Variants in KIAA0825 observed in about 807,000 individuals in gnomAD.
KIAA0825 encodes uncharacterized protein KIAA0825.
A neutral mutation model predicts 147.6 loss-of-function variants in KIAA0825; 119 were observed. The observed-to-expected ratio is 0.81, with a 90% CI of 0.69 to 0.94. KIAA0825 has a LOEUF of 0.94. Ranked by LOEUF, KIAA0825 falls within the 40% of genes least tolerant of loss-of-function variation. The pLI, the probability that KIAA0825 is intolerant of heterozygous loss-of-function variation, is 0.00. For missense variants in KIAA0825, 1,381 were observed against 1,472.7 expected (o/e 0.94, Z 1.02); for synonymous variants, 470 against 518.1 (o/e 0.91, Z 1.26).
chr5:94,559,828 A>G (rs1003431848), intron 2 of KIAA0825, among the ~76,000 whole-genome samples: 2 of 152,178 alleles, frequency 1.3e-5, no homozygotes, highest in Non-Finnish European at 2.9e-5. Flanking sequence ...CATGATGGGG[A>G]TCAAAATATT....
intron 1 of KIAA0825, among the ~76,000 whole-genome samples, chr5:94,603,128 C>T (rs1262925512): frequency 1.3e-5 from 2 of 151,672 alleles, no homozygotes; most frequent in African/African-American, 4.8e-5. Flanking sequence ...CATCTGGCCT[C>T]GGGTATGTCC....
chr5:94,519,798 G>C (rs1735100333), intron 5 of KIAA0825: 5 of 808,900 alleles, frequency 6.2e-6, no homozygotes, highest in Non-Finnish European at 7.5e-6. Flanking sequence ...AGATACAATG[G>C]ATTAAAAATC....
At chr5:94,189,979 T>C (rs966763926) in intron 20 of KIAA0825, among the ~76,000 whole-genome samples, 5 of 152,202 alleles carry the variant, frequency 3.3e-5, no homozygotes, top group African/African-American at 1.2e-4. Context: ...TGCAATGTTA[T>C]ATAGACTTAA....
At chr5:94,321,262 A>T (rs1780170477) in intron 20 of KIAA0825, among the ~76,000 whole-genome samples, 1 of 151,988 alleles carries the variant, frequency 6.6e-6, no homozygotes, top group Non-Finnish European at 1.5e-5. Context: ...AGAGCTACAA[A>T]ATTGAGTATT....
intron 14 of KIAA0825, among the ~76,000 whole-genome samples, chr5:94,419,740 A>G (rs1209197038): frequency 6.6e-6 from 1 of 152,086 alleles, no homozygotes; most frequent in Non-Finnish European, 1.5e-5. Flanking sequence ...GTTGGCGGGG[A>G]GAAGATGACA....
At chr5:94,564,214 GTTTT>G (rs545943328) in intron 2 of KIAA0825, among the ~76,000 whole-genome samples, 2 of 105,202 alleles carry the variant, frequency 1.9e-5, no homozygotes, top group Non-Finnish European at 1.9e-5. Flanking sequence ...TATTCCCCTT[GTTTT>G]TTTTTTTTTT....
chr5:94,163,512 T>C (rs1240910609), intron 20 of KIAA0825, among the ~76,000 whole-genome samples: 1 of 152,128 alleles, frequency 6.6e-6, no homozygotes, highest in African/African-American at 2.4e-5. Context: ...CTCAAAGGCA[T>C]AGAGTAGAAC....
intron 9 of KIAA0825, among the ~76,000 whole-genome samples, chr5:94,470,800 T>G (rs1761122797): frequency 6.6e-6 from 1 of 152,212 alleles, no homozygotes; most frequent in Non-Finnish European, 1.5e-5. Context: ...GAATATAGAA[T>G]AGATTCTCGG....
intron 12 of KIAA0825, among the ~76,000 whole-genome samples, chr5:94,454,837 C>T (rs1758883349): frequency 6.6e-6 from 1 of 151,946 alleles, no homozygotes; most frequent in South Asian, 2.1e-4. Flanking sequence ...GACACTGAAC[C>T]AAGGTAAGAG....
At chr5:94,497,708 G>A (rs1389847973) in intron 5 of KIAA0825, among the ~76,000 whole-genome samples, 1 of 152,142 alleles carries the variant, frequency 6.6e-6, no homozygotes, top group Non-Finnish European at 1.5e-5. Flanking sequence ...ACACTATGTT[G>A]GTATCAAACT....
intron 20 of KIAA0825, among the ~76,000 whole-genome samples, chr5:94,250,681 T>C (rs1286759177): frequency 1.3e-5 from 2 of 152,110 alleles, no homozygotes; most frequent in African/African-American, 4.8e-5. Flanking sequence ...TTGACTTTGC[T>C]TTTCATGGCT....
chr5:94,529,833 TA>T (rs1455157113), intron 3 of KIAA0825, among the ~76,000 whole-genome samples: 4 of 152,204 alleles, frequency 2.6e-5, no homozygotes, highest in Non-Finnish European at 5.9e-5. Flanking sequence ...ATGCAATAAA[TA>T]CCTAAGAATC....
chr5:94,410,459 T>G (rs1752618321), intron 15 of KIAA0825, among the ~76,000 whole-genome samples: 1 of 151,976 alleles, frequency 6.6e-6, no homozygotes, highest in Admixed American at 6.6e-5. Flanking sequence ...TCAAATTTGA[T>G]GAAAATTAAA....
chr5:94,160,912 C>G (rs1767519378), intron 20 of KIAA0825, among the ~76,000 whole-genome samples: 1 of 152,030 alleles, frequency 6.6e-6, no homozygotes. Context: ...GTCTCTGTTT[C>G]CTTCTTTCTG....
chr5:94,584,271 C>G (rs1782817615), intron 1 of KIAA0825, among the ~76,000 whole-genome samples: 1 of 152,074 alleles, frequency 6.6e-6, no homozygotes, highest in Non-Finnish European at 1.5e-5. Flanking sequence ...TAACCCATCG[C>G]AAGGAAGCTA....
intron 13 of KIAA0825, among the ~76,000 whole-genome samples, chr5:94,451,886 A>C (rs1188973787): frequency 6.6e-6 from 1 of 152,226 alleles, no homozygotes; most frequent in African/African-American, 2.4e-5. Flanking sequence ...TGCTTGACTC[A>C]CACTGTAAGA....
intron 4 of KIAA0825, among the ~76,000 whole-genome samples, chr5:94,522,892 A>AT (rs1768499690): frequency 6.6e-6 from 1 of 151,730 alleles, no homozygotes; most frequent in East Asian, 1.9e-4. Flanking sequence ...ATGAGAAAGC[A>AT]TTATTACATC....
chr5:94,257,244 G>A (rs751451231), intron 20 of KIAA0825, among the ~76,000 whole-genome samples: 6 of 152,152 alleles, frequency 3.9e-5, no homozygotes, highest in Admixed American at 1.3e-4. Context: ...TCTTGGGGTC[G>A]TTTCTAGGTT....
chr5:94,278,758 G>A (rs951154450), intron 20 of KIAA0825, among the ~76,000 whole-genome samples: 1 of 152,034 alleles, frequency 6.6e-6, no homozygotes, highest in Non-Finnish European at 1.5e-5. Context: ...AAGTTGAAAT[G>A]TACCTTTTTC....
Sources: allele counts gnomAD v4.1 joint callset (sites outside exome capture counted in the v4.1 genomes callset), GRCh38; gene constraint gnomAD v4.1.1; transcripts MANE v1.5; gene names NCBI Gene and HGNC (gene_info 2026-07-23, HGNC 2026-07-21).